Variants in GLS observed in about 807,000 individuals in gnomAD.
GLS encodes glutaminase kidney isoform, mitochondrial.
Under a neutral mutation model 86.7 loss-of-function variants are expected in GLS, and 36 were observed. The ratio of observed to expected loss-of-function variants is 0.42; its 90% CI spans 0.32 to 0.55. The LOEUF (loss-of-function observed/expected upper bound fraction) is 0.55, where lower values mean the gene tolerates loss of function less well. GLS is among the 20% of genes least tolerant of loss of function. The pLI is 0.17. For missense variants in GLS, 528 were observed against 833.4 expected (o/e 0.63, Z 4.51); for synonymous variants, 317 against 305.9 (o/e 1.04, Z -0.38).
intron 9 of GLS, among the ~76,000 whole-genome samples, 192 bp from the exon 10 acceptor site, chr2:190,923,725 T>C (rs908839268): frequency 1.3e-5 from 2 of 152,212 alleles, no homozygotes; most frequent in African/African-American, 4.8e-5. Flanking sequence ...AAATGAAGAT[T>C]GAAAGAATTA....
chr2:190,912,463 G>C (rs1558977469), intron 7 of GLS, among the ~76,000 whole-genome samples: 1 of 151,186 alleles, frequency 6.6e-6, no homozygotes, highest in Non-Finnish European at 1.5e-5. Flanking sequence ...GATCTTTTAG[G>C]GAAAGGATTA....
Position 190,897,955 on chromosome 2 carries a change from C to G in GLS, c.605+2230C>G, listed in dbSNP as rs1688803905. On this transcript the variant is annotated intron_variant, in intron 3 of 17. Coordinates refer to ENST00000320717, the MANE Select transcript of GLS (RefSeq NM_014905.5). The surrounding 1 kb of genome is among the most constrained non-coding windows in gnomAD (Gnocchi z 4.3). The stretch of plus-strand genomic sequence containing the variant: ...CTAAGCATACTTTTTGGAGTAAAAC[C>G]TGTTCGAAAGTTGGAGACTGCCTGT... Among the ~76,000 whole-genome samples the G allele has an allele frequency of 2.0e-5, 3 of 151,966 alleles. No homozygotes were observed. The highest frequency in any genetic ancestry group is 1.3e-4 in the Admixed American group (2 of 15,254).
chr2:190,908,123 G>A lies in GLS; in HGVS notation c.980-2140G>A, dbSNP rs375709142. 3.3e-5 allele frequency among the ~76,000 whole-genome samples: 5 copies of A among 152,250 alleles called. No individual in the cohort carries two copies. The East Asian group carries it at 5.8e-4, about 18-fold the overall frequency. On this transcript the variant is annotated intron_variant, in intron 6 of 17. Transcript: ENST00000320717. ...GTAACCATATATATCCCAACCAGAT[G>A]GAGAATATTTTCTCTATATCTAGAG...
At chr2:190,925,070 CAAAAT>C (rs1689856562) in intron 11 of GLS, among the ~76,000 whole-genome samples, 1 of 152,098 alleles carries the variant, frequency 6.6e-6, no homozygotes, top group Non-Finnish European at 1.5e-5. Context: ...ATTCATGCCT[CAAAAT>C]GTAATGGGGA....
chr2:190,903,295 G>A (rs192798637), intron 5 of GLS, among the ~76,000 whole-genome samples: 1 of 152,256 alleles, frequency 6.6e-6, no homozygotes, highest in Admixed American at 6.5e-5. Context: ...GGAATCTGAG[G>A]ACCATAGTTG....
At chr2:190,941,788 G>A (rs1257466841) in intron 14 of GLS, among the ~76,000 whole-genome samples, 6 of 152,110 alleles carry the variant, frequency 3.9e-5, no homozygotes, top group African/African-American at 1.4e-4. Context: ...ATTGGCTGTG[G>A]ATGACTCCTA....
intron 7 of GLS, 57 bp downstream of exon 7, chr2:190,910,378 G>A: frequency 3.7e-6 from 3 of 819,650 alleles, no homozygotes; most frequent in Non-Finnish European, 6.1e-6. Context: ...TAACAGCTAA[G>A]GCATAAAGAT....
intron 6 of GLS, among the ~76,000 whole-genome samples, chr2:190,909,443 C>G (rs149144859): frequency 6.6e-6 from 1 of 151,952 alleles, no homozygotes; most frequent in East Asian, 1.9e-4. Context: ...ATTATGTGTC[C>G]TTTGACCAAC....
intron 6 of GLS, among the ~76,000 whole-genome samples, chr2:190,907,316 G>A (rs147366271): frequency 0.01 from 1,556 of 149,806 alleles, 28 homozygotes; most frequent in East Asian, 0.093. Context: ...ATCTCGGCTC[G>A]GCGCAATCTC....
In GLS at chr2:190,938,670, T is replaced by A. The variant is rs1279512818; in HGVS notation, c.1650+7033T>A. Among the ~76,000 whole-genome samples the A allele has an allele frequency of 6.6e-6, 1 of 151,708 alleles. No individual in the cohort carries two copies. Among genetic ancestry groups the A allele is most frequent in the Non-Finnish European group, 1.5e-5 (1 of 67,658 alleles). On this transcript the variant is annotated intron_variant, in intron 14 of 17. Coordinates refer to ENST00000320717, the MANE Select transcript of GLS (RefSeq NM_014905.5). The surrounding 1 kb of genome is among the most constrained non-coding windows in gnomAD (Gnocchi z 4.1). ...TGAGGGGGTTGGTCTGTTTTGTGTTTTGTTAGGATGGACTTTCTGTTTGTA... is the reference window on the plus strand; with the variant it reads ...TGAGGGGGTTGGTCTGTTTTGTGTTATGTTAGGATGGACTTTCTGTTTGTA...
rs1415092146 is a variant in GLS, at chr2:190,938,199, T to C, written c.1650+6562T>C. On this transcript the variant is annotated intron_variant, in intron 14 of 17. Transcript: ENST00000320717. The surrounding 1 kb of genome is among the most constrained non-coding windows in gnomAD (Gnocchi z 4.1). Reference sequence around the variant, plus strand: ...AAAATAATGGTATTTTTTCATTAGGTATTTACCTTGCTGAAACACTTTCAG... The same window carrying C: ...AAAATAATGGTATTTTTTCATTAGGCATTTACCTTGCTGAAACACTTTCAG... Among the ~76,000 whole-genome samples the C allele has an allele frequency of 6.6e-6, 1 of 151,532 alleles. No individual in the cohort carries two copies. The highest frequency in any genetic ancestry group is 1.5e-5 in the Non-Finnish European group (1 of 67,512).
intron 6 of GLS, among the ~76,000 whole-genome samples, chr2:190,906,543 TAAG>T (rs1423046040): frequency 1.3e-5 from 2 of 152,136 alleles, no homozygotes; most frequent in African/African-American, 4.8e-5. Context: ...TTGTTTATAA[TAAG>T]AATAAAACAT....
Position 190,930,649 on chromosome 2 carries a change from A to C in GLS, c.1557+81A>C, listed in dbSNP as rs1690079284. The C allele has an allele frequency of 7.4e-7, 1 of 1,353,784 alleles. No homozygotes were observed. The highest frequency in any genetic ancestry group is 1.5e-5 in the African/African-American group (1 of 68,780). The allele number at this position is 1,353,784 out of a possible 1,614,324, so 83.9% of individuals were successfully genotyped here. On this transcript the variant is annotated intron_variant, in intron 13 of 17. Coordinates refer to ENST00000320717, the MANE Select transcript of GLS (RefSeq NM_014905.5). This position sits in a 1 kb window ranked among gnomAD's most constrained non-coding sequence, Gnocchi z 5.0. Reference sequence around the variant, plus strand: ...TTCTTTTTTTTAACCCATTTTCCATAGTTCATTAACTCTTGGCCCTCCGCC... The same window carrying C: ...TTCTTTTTTTTAACCCATTTTCCATCGTTCATTAACTCTTGGCCCTCCGCC...
chr2:190,899,373 T>G (rs1322592811), intron 3 of GLS, among the ~76,000 whole-genome samples: 1 of 152,136 alleles, frequency 6.6e-6, no homozygotes, highest in Non-Finnish European at 1.5e-5. Context: ...TAGTCATTTC[T>G]ATTAGGATTT....
intron 11 of GLS, among the ~76,000 whole-genome samples, chr2:190,925,100 A>G (rs941175826): frequency 6.6e-6 from 1 of 152,214 alleles, no homozygotes; most frequent in African/African-American, 2.4e-5. Context: ...TTTTTCTGTA[A>G]ACATATTTAA....
chr2:190,909,782 C>T (rs1689294759), intron 6 of GLS, among the ~76,000 whole-genome samples: 1 of 152,116 alleles, frequency 6.6e-6, no homozygotes, highest in African/African-American at 2.4e-5. Flanking sequence ...TGGCTCATGC[C>T]TATAATCCCA....
chr2:190,911,750 A>G (rs879811178), intron 7 of GLS, among the ~76,000 whole-genome samples: 6 of 152,100 alleles, frequency 3.9e-5, no homozygotes, highest in Admixed American at 6.5e-5. Flanking sequence ...CTTGATGACA[A>G]AAACACCAAA....
intron 14 of GLS, among the ~76,000 whole-genome samples, chr2:190,937,889 A>G (rs143583884): frequency 1.3e-3 from 177 of 138,934 alleles, no homozygotes; most frequent in African/African-American, 4.5e-3. Flanking sequence ...ATTACAGAAT[A>G]CTTATTATTG....
At chr2:190,960,551 T>TTTTTTA (rs1187669058) in intron 17 of GLS, among the ~76,000 whole-genome samples, 4 of 151,422 alleles carry the variant, frequency 2.6e-5, no homozygotes, top group Admixed American at 2.0e-4. Flanking sequence ...TTATTTTTTA[T>TTTTTTA]TTTTTGTAGA....
Sources: allele counts gnomAD v4.1 joint callset (sites outside exome capture counted in the v4.1 genomes callset), GRCh38; gene constraint gnomAD v4.1.1; non-coding constraint Gnocchi (gnomAD v3.1); transcripts MANE v1.5; gene names NCBI Gene and HGNC (gene_info 2026-07-23, HGNC 2026-07-21).